PRKCZ: variants seen among roughly 807,000 people sequenced by gnomAD.
PRKCZ encodes the protein protein kinase C zeta.
PRKCZ carries 33 observed loss-of-function variants against 79.5 expected under a neutral mutation model. The observed-to-expected ratio is 0.41, with a 90% CI of 0.31 to 0.55. The LOEUF (loss-of-function observed/expected upper bound fraction) is 0.55, where lower values mean the gene tolerates loss of function less well. Among genes scored for constraint, PRKCZ ranks in the 20% least tolerant of loss-of-function variants. The pLI is 0.19. For missense variants in PRKCZ, 578 were observed against 813.5 expected (o/e 0.71, Z 3.52); for synonymous variants, 342 against 320.9 (o/e 1.07, Z -0.70).
intron 4 of PRKCZ, among the ~76,000 whole-genome samples, chr1:2,121,073 CAA>C (rs1242296926): frequency 6.6e-6 from 1 of 152,098 alleles, no homozygotes; most frequent in Non-Finnish European, 1.5e-5. Flanking sequence ...CTCAGCCTCC[CAA>C]AGTGTTGGGA....
chr1:2,116,572 T>C (rs1670803711), intron 4 of PRKCZ, among the ~76,000 whole-genome samples: 1 of 152,210 alleles, frequency 6.6e-6, no homozygotes, highest in Non-Finnish European at 1.5e-5. Context: ...AGTAAAAGCT[T>C]ACTTTATAAT....
intron 4 of PRKCZ, among the ~76,000 whole-genome samples, chr1:2,108,723 A>AC (rs1158811164): frequency 6.6e-6 from 1 of 151,682 alleles, no homozygotes. Context: ...CCTGGTCACC[A>AC]CCCCCTGCCT....
intron 10 of PRKCZ, chr1:2,156,870 C>G (rs546435664): frequency 1.3e-5 from 2 of 152,458 alleles, no homozygotes; most frequent in Admixed American, 1.3e-4. Flanking sequence ...AGCAGGTGTT[C>G]AGCATTGCGT....
chr1:2,074,008 G>A (rs1195743881), intron 4 of PRKCZ: 6 of 1,424,250 alleles, frequency 4.2e-6, no homozygotes, highest in African/African-American at 2.9e-5. Flanking sequence ...CTGTGCGTGC[G>A]GAGGACGGTG....
intron 1 of PRKCZ, among the ~76,000 whole-genome samples, chr1:2,053,246 G>A (rs1055172112): frequency 3.9e-5 from 6 of 151,946 alleles, no homozygotes; most frequent in South Asian, 2.1e-4. Context: ...GACTACAGAC[G>A]CCCGCCACCA....
At position 2,125,584 on chromosome 1, in the gene PRKCZ, G is replaced by A. The variant is rs868543752; in HGVS notation, c.335-9678G>A. ...CCCTGGGCTGGCTGCAAGACGTGGAGTGACTGTGGGTCCCCGTGGCCCCTG... is the reference window on the plus strand; with the variant it reads ...CCCTGGGCTGGCTGCAAGACGTGGAATGACTGTGGGTCCCCGTGGCCCCTG... On this transcript the variant is annotated intron_variant, in intron 4 of 17. Transcript: ENST00000378567. This position sits in a 1 kb window ranked among gnomAD's most constrained non-coding sequence, Gnocchi z 4.2. 7.2e-5 allele frequency among the ~76,000 whole-genome samples: 11 copies of A among 152,312 alleles called. 1 individual carries two copies. Among genetic ancestry groups the A allele is most frequent in the Middle Eastern group, 6.8e-3 (2 of 294 alleles).
At chr1:2,060,313 C>T (rs950556886) in intron 4 of PRKCZ, among the ~76,000 whole-genome samples, 2 of 152,232 alleles carry the variant, frequency 1.3e-5, no homozygotes, top group African/African-American at 2.4e-5. Context: ...CCCCTGCTGC[C>T]AGGGCACACA....
chr1:2,112,925 C>T (rs907301631), intron 4 of PRKCZ, among the ~76,000 whole-genome samples: 2 of 152,202 alleles, frequency 1.3e-5, no homozygotes, highest in African/African-American at 4.8e-5. Context: ...CTCCTGACCT[C>T]AGGCGATCCG....
chr1:2,158,931 CTT>C (rs1212404674), intron 10 of PRKCZ, among the ~76,000 whole-genome samples: 2 of 145,122 alleles, frequency 1.4e-5, no homozygotes, highest in African/African-American at 2.5e-5. Flanking sequence ...ATTTTTTTGC[CTT>C]TTTTTTTTTT....
At chr1:2,104,150 T>C (rs1280370085) in intron 4 of PRKCZ, among the ~76,000 whole-genome samples, 1 of 152,094 alleles carries the variant, frequency 6.6e-6, no homozygotes, top group African/African-American at 2.4e-5. Flanking sequence ...GTGGCGGCTC[T>C]GGGGCAAGGC....
At position 2,168,354 on chromosome 1, in the gene PRKCZ, T is replaced by A. The variant is rs1294096828; in HGVS notation, c.975-1164T>A. 6.6e-6 allele frequency among the ~76,000 whole-genome samples: 1 copy of A among 152,118 alleles called. No individual in the cohort carries two copies. ...GGTTACCAGAGAATTTCCAGGCACA[T>A]CCGTTGGAGGCAGGGGAGACAACAA... On this transcript the variant is annotated intron_variant, in intron 10 of 17. Transcript: ENST00000378567. The surrounding 1 kb of genome is among the most constrained non-coding windows in gnomAD (Gnocchi z 4.7).
At chr1:2,056,423 G>A (rs930060845) in intron 2 of PRKCZ, 61 bp from the exon 3 acceptor site, 16 of 1,488,138 alleles carry the variant, frequency 1.1e-5, no homozygotes, top group East Asian at 4.6e-5. Context: ...GAGCGGGCTC[G>A]TCACAGCCCC....
intron 4 of PRKCZ, among the ~76,000 whole-genome samples, chr1:2,132,260 C>T (rs1042416843): frequency 6.6e-6 from 1 of 152,244 alleles, no homozygotes; most frequent in African/African-American, 2.4e-5. Context: ...CTGGCTCTGT[C>T]TTCCGTTGGA....
rs115895067 is a variant in PRKCZ, at chr1:2,155,807, G to T, written c.877-188G>T. Among the ~76,000 whole-genome samples, 336 of 152,138 alleles carry T rather than the reference G, an allele frequency of 2.2e-3. 1 individual carries two copies. Among genetic ancestry groups the T allele is most frequent in the African/African-American group, 7.7e-3 (318 of 41,488 alleles). The stretch of plus-strand genomic sequence containing the variant: ...AGTGACAATGATGATGATGGTGGTG[G>T]TGGTGGTAGAGGTGGGGTGGATGGT... On this transcript the variant is annotated intron_variant, in intron 9 of 17. Coordinates refer to ENST00000378567, the MANE Select transcript of PRKCZ (RefSeq NM_002744.6).
intron 16 of PRKCZ, 96 bp downstream of exon 16, chr1:2,175,409 C>A (rs1419059799): frequency 4.4e-6 from 4 of 901,950 alleles, no homozygotes; most frequent in African/African-American, 2.4e-5. Context: ...ATTCACCCAA[C>A]CCCCACCCCA....
chr1:2,052,086 T>G (rs1659721212), intron 1 of PRKCZ, among the ~76,000 whole-genome samples: 1 of 152,188 alleles, frequency 6.6e-6, no homozygotes, highest in Non-Finnish European at 1.5e-5. Context: ...CTGGGCTTCC[T>G]GTCTCCTTGC....
intron 4 of PRKCZ, among the ~76,000 whole-genome samples, chr1:2,073,258 G>A (rs998298100): frequency 6.6e-6 from 1 of 152,158 alleles, no homozygotes; most frequent in African/African-American, 2.4e-5. Flanking sequence ...AGTGCCCACC[G>A]TCCCCACACA....
At chr1:2,084,743 G>A (rs369878565) in intron 4 of PRKCZ, among the ~76,000 whole-genome samples, 8 of 152,202 alleles carry the variant, frequency 5.3e-5, no homozygotes, top group Non-Finnish European at 1.2e-4. Context: ...AGTGGCTCAC[G>A]CCTGTCATCC....
chr1:2,137,657 G>A (rs1676492897), intron 5 of PRKCZ, among the ~76,000 whole-genome samples: 1 of 152,192 alleles, frequency 6.6e-6, no homozygotes, highest in Non-Finnish European at 1.5e-5. Flanking sequence ...CCCACCCAGT[G>A]ACATGGGCCA....
Sources: gnomAD v4.1 joint callset for allele counts (sites outside exome capture counted in the v4.1 genomes callset) on GRCh38, gnomAD v4.1.1 for gene constraint, Gnocchi (gnomAD v3.1) non-coding constraint, MANE v1.5 for transcripts, NCBI Gene and HGNC (gene_info 2026-07-23, HGNC 2026-07-21) for gene names.